GPRC5A: variants seen among roughly 807,000 people sequenced by gnomAD.
The protein encoded by GPRC5A is G protein-coupled receptor class C group 5 member A, also known as retinoic acid-induced protein 3.
Under a neutral mutation model 22.5 loss-of-function variants are expected in GPRC5A, and 19 were observed. The observed-to-expected ratio is 0.85, with a 90% confidence interval of 0.59 to 1.24. The LOEUF is 1.24. Among genes scored for constraint, GPRC5A ranks in the 50% most tolerant of loss-of-function variants. GPRC5A has a pLI of 0.00. For missense variants in GPRC5A, 471 were observed against 451.1 expected (o/e 1.04, Z -0.40); for synonymous variants, 192 against 184.5 (o/e 1.04, Z -0.33).
At chr12:12,912,222 C>T (rs767966386) in intron 3 of GPRC5A, 80 bp downstream of exon 3, 4 of 1,097,616 alleles carry the variant, frequency 3.6e-6, no homozygotes, top group Non-Finnish European at 5.6e-6. Flanking sequence ...GACGATGTTA[C>T]CTTTCTCATG....
At chr12:12,897,901 C>T (rs571171831) in intron 1 of GPRC5A, among the ~76,000 whole-genome samples, 11 of 152,184 alleles carry the variant, frequency 7.2e-5, no homozygotes, top group African/African-American at 1.7e-4. Context: ...TGAGCCACTG[C>T]GCCCGGCCGA....
At position 12,900,914 on chromosome 12, in the gene GPRC5A, CAAAAAAAAA is replaced by C. The variant is rs55937595; in HGVS notation, c.-7-7327_-7-7319del. ...CTCAAAAAAAAAAAAAAAAAAAAAA[CAAAAAAAAA>C]ACAACCCAGAAAAACCCAAAAAACA... On this transcript the variant is annotated intron_variant, in intron 1 of 3. Transcript: ENST00000014914. Among the ~76,000 whole-genome samples, 44 of 89,776 alleles carry C rather than the reference CAAAAAAAAA, an allele frequency of 4.9e-4. 1 individual carries two copies. Among genetic ancestry groups the C allele is most frequent in the East Asian group, 4.1e-3 (12 of 2,894 alleles). 58.9% of individuals were successfully genotyped at this position (89,776 alleles called of 152,430 possible). A position where few individuals can be genotyped will look rare whatever the true frequency, so the allele number is the denominator to read the frequency against.
At chr12:12,910,872 CT>C (rs570784800) in intron 2 of GPRC5A, among the ~76,000 whole-genome samples, 3,947 of 139,356 alleles carry the variant, frequency 0.028, 124 homozygotes, top group African/African-American at 0.094. Flanking sequence ...CCATCTCTCT[CT>C]TTTTTTTTTT....
intron 1 of GPRC5A, among the ~76,000 whole-genome samples, chr12:12,896,216 G>A (rs73292820): frequency 0.054 from 8,240 of 152,130 alleles, 771 homozygotes; most frequent in African/African-American, 0.19. Context: ...ATGGTAATAC[G>A]CCCAGGGAAC....
At chr12:12,910,414 A>C (rs1204491994) in intron 2 of GPRC5A, among the ~76,000 whole-genome samples, 1 of 152,006 alleles carries the variant, frequency 6.6e-6, no homozygotes, top group African/African-American at 2.4e-5. Context: ...TCCTTCCTTC[A>C]TTCATTTCAA....
chr12:12,908,512 G>C lies in GPRC5A; in HGVS notation c.263G>C (p.Gly88Ala), dbSNP rs770833313. The C allele has an allele frequency of 7.4e-6, 12 of 1,614,006 alleles. No individual in the cohort carries two copies. Among genetic ancestry groups the C allele is most frequent in the Non-Finnish European group, 1.0e-5 (12 of 1,180,036 alleles). The change falls in exon 2 of 4, where the codon GGA (glycine) becomes GCA (alanine). Residue 88 changes from glycine to alanine, a missense_variant. Physicochemically the swap from Gly to Ala is moderately conservative, Grantham distance 60. Transcript: ENST00000014914. Reference sequence around the variant, plus strand: ...GGCCTCACCTTCGCCTTCATCATCGGACTGGACGGGAGCACAGGGCCCACA... The same window carrying C: ...GGCCTCACCTTCGCCTTCATCATCGCACTGGACGGGAGCACAGGGCCCACA... ...IFGLTFAFII[G>A]LDGSTGPTRF...
chr12:12,901,798 A>G (rs561527486), intron 1 of GPRC5A, among the ~76,000 whole-genome samples: 4 of 151,086 alleles, frequency 2.6e-5, no homozygotes, highest in East Asian at 3.9e-4. Context: ...CCTGGAGGAA[A>G]GGACCTCTAC....
chr12:12,892,310 T>C (rs1156469119), intron 1 of GPRC5A, among the ~76,000 whole-genome samples: 3 of 152,220 alleles, frequency 2.0e-5, no homozygotes, highest in Non-Finnish European at 4.4e-5. Context: ...GATTTGGGAA[T>C]AGCATAGATG....
intron 1 of GPRC5A, among the ~76,000 whole-genome samples, chr12:12,902,043 G>A (rs1310291233): frequency 6.6e-6 from 1 of 152,088 alleles, no homozygotes; most frequent in East Asian, 1.9e-4. Context: ...CTCAAATGCT[G>A]CTTTCTAGAA....
chr12:12,905,086 T>C (rs1379568080), intron 1 of GPRC5A, among the ~76,000 whole-genome samples: 4 of 152,190 alleles, frequency 2.6e-5, no homozygotes, highest in African/African-American at 9.7e-5. Context: ...GGTTTCGCCA[T>C]GTTGGCCAGG....
At position 12,913,762 on chromosome 12, in the gene GPRC5A, A is replaced by G. The variant is rs1177578050; in HGVS notation, c.*1223A>G. On this transcript the variant is annotated 3_prime_UTR_variant, in exon 4 of 4. Transcript: ENST00000014914. Reference sequence around the variant, plus strand: ...TTCACTTCCTTTGGGTTTGTACTTGACCCTTCTTCATGTGTCTCTCCCGTT... The same window carrying G: ...TTCACTTCCTTTGGGTTTGTACTTGGCCCTTCTTCATGTGTCTCTCCCGTT... The G allele has an allele frequency of 6.6e-6, 1 of 151,910 alleles. No homozygotes were observed. The highest frequency in any genetic ancestry group is 2.4e-5 in the African/African-American group (1 of 41,336). 9.4% of individuals were successfully genotyped at this position (151,910 alleles called of 1,614,324 possible).
At chr12:12,900,364 A>C (rs1863868493) in intron 1 of GPRC5A, among the ~76,000 whole-genome samples, 1 of 152,246 alleles carries the variant, frequency 6.6e-6, no homozygotes, top group Admixed American at 6.5e-5. Flanking sequence ...ACATGAGTTC[A>C]GACCACGTAG....
rs369814536 is a variant in GPRC5A, at chr12:12,908,399, G to C, written c.150G>C (p.Pro50=). Residue 50 remains proline, a synonymous_variant, in exon 2 of 4, where the codon CCG becomes CCC. Transcript: ENST00000014914. ...VTSVAFMLTL[P]ILVCKVQDSN... is the part of the protein sequence containing the mutation. ...CGGTGGCCTTCATGCTCACTCTCCC[G>C]ATCCTCGTCTGCAAGGTGCAGGACT... 1 of 1,614,136 alleles carries C rather than the reference G, an allele frequency of 6.2e-7. No homozygotes were observed. The highest frequency in any genetic ancestry group is 1.3e-5 in the African/African-American group (1 of 75,040).
At chr12:12,907,736 A>T (rs1421420422) in intron 1 of GPRC5A, among the ~76,000 whole-genome samples, 1 of 152,172 alleles carries the variant, frequency 6.6e-6, no homozygotes, top group Non-Finnish European at 1.5e-5. Context: ...GACTCCAGCG[A>T]TATTCCCACC....
At chr12:12,897,684 T>C (rs1240740262) in intron 1 of GPRC5A, among the ~76,000 whole-genome samples, 1 of 151,066 alleles carries the variant, frequency 6.6e-6, no homozygotes, top group Non-Finnish European at 1.5e-5. Flanking sequence ...TCTCAGCTCA[T>C]TGCAGCCTCT....
chr12:12,900,900 A>AAC (rs1460224331), intron 1 of GPRC5A, among the ~76,000 whole-genome samples: 25 of 129,020 alleles, frequency 1.9e-4, no homozygotes, highest in Admixed American at 1.1e-3. Flanking sequence ...TCAAAAAAAA[A>AAC]AAAAAAAAAA....
chr12:12,892,207 C>T (rs1416022227), intron 1 of GPRC5A, among the ~76,000 whole-genome samples: 2 of 152,162 alleles, frequency 1.3e-5, no homozygotes, highest in African/African-American at 4.8e-5. Context: ...GTCAGTTCCA[C>T]TCTGGTGTGC....
Position 12,912,950 on chromosome 12 carries a change from G to T in GPRC5A, c.*411G>T, listed in dbSNP as rs770720288. On this transcript the variant is annotated 3_prime_UTR_variant, in exon 4 of 4. Transcript: ENST00000014914. ...AATCCTCCCATCTCCATCTCCCAAA[G>T]TGCTGGGATGACAGGCGTGAGCCAC... The T allele has an allele frequency of 2.4e-5, 4 of 166,140 alleles. No homozygotes were observed. The highest frequency in any genetic ancestry group is 5.2e-5 in the Non-Finnish European group (4 of 77,378). The allele number at this position is 166,140 out of a possible 1,614,324, so 10.3% of individuals were successfully genotyped here.
In GPRC5A at chr12:12,908,921, G is replaced by C; in HGVS notation, c.672G>C (p.Trp224Cys). 2 of 1,614,132 alleles carry C rather than the reference G, an allele frequency of 1.2e-6. No individual in the cohort carries two copies. The highest frequency in any genetic ancestry group is 1.7e-6 in the Non-Finnish European group (2 of 1,179,994). ...CGATGCTCCTCTCCATTGCCATCTG[G>C]GTGGCCTGGATCACCCTGCTCATGC... ...YLTMLLSIAI[W>C]VAWITLLMLP... Residue 224 changes from tryptophan to cysteine, a missense_variant, in exon 2 of 4, where the codon TGG becomes TGC. By Grantham distance (215) the Trp-to-Cys change is radical. Transcript: ENST00000014914.
Sources: allele counts gnomAD v4.1 joint callset (sites outside exome capture counted in the v4.1 genomes callset), GRCh38; gene constraint gnomAD v4.1.1; transcripts MANE v1.5; gene names NCBI Gene and HGNC (gene_info 2026-07-23, HGNC 2026-07-21).